The following ADGRL2 variants were observed in gnomAD, a reference collection of about 807,000 sequenced individuals.
The protein encoded by ADGRL2 is calcium-independent alpha-latrotoxin receptor 2.
In ADGRL2, 44 loss-of-function variants were observed where a neutral mutation model predicts 157.4. The observed-to-expected ratio is 0.28, with a 90% CI of 0.22 to 0.36. The LOEUF (loss-of-function observed/expected upper bound fraction) is 0.36. ADGRL2 is among the 10% of genes least tolerant of loss of function. The probability of loss-of-function intolerance (pLI) is 1.00; values close to 1 mark genes in which losing one functional copy is unlikely to be tolerated. For missense variants in ADGRL2, 1,510 were observed against 1,768.9 expected, an observed-to-expected ratio of 0.85 and a Z score of 2.63; for synonymous variants, 585 against 624.7, an observed-to-expected ratio of 0.94 and a Z score of 0.95.
At chr1:81,789,150 T>C (rs985069330) in intron 2 of ADGRL2, among the ~76,000 whole-genome samples, 2 of 152,180 alleles carry the variant, frequency 1.3e-5, no homozygotes, top group African/African-American at 2.4e-5. Flanking sequence ...GGGCTAGATT[T>C]TATACAGGCC....
rs991851798 is a variant in ADGRL2 at position 81,692,309 on chromosome 1, T to A, written c.-142-69502T>A. 7.9e-5 allele frequency among the ~76,000 whole-genome samples: 12 copies of A among 151,862 alleles called. No homozygotes were observed. The East Asian group carries it at 9.7e-4, about 12-fold the overall frequency. ...GAGTGAGAGACTCTGTCTCAAAAAATAAATAAATAAATAAATCAAATCAAA... is the reference window on the plus strand; with the variant it reads ...GAGTGAGAGACTCTGTCTCAAAAAAAAAATAAATAAATAAATCAAATCAAA... On this transcript the variant is annotated intron_variant, in intron 3 of 24. Transcript: ENST00000370721.
chr1:81,741,428 C>T (rs1372031358), intron 1 of ADGRL2, among the ~76,000 whole-genome samples: 2 of 151,940 alleles, frequency 1.3e-5, no homozygotes, highest in East Asian at 1.9e-4. Context: ...TTGAGATCAA[C>T]TTTAACATAG....
At chr1:81,486,026 T>G (rs941172414) in intron 2 of ADGRL2, among the ~76,000 whole-genome samples, 4 of 152,242 alleles carry the variant, frequency 2.6e-5, no homozygotes, top group African/African-American at 9.6e-5. Flanking sequence ...GACAAGCCAC[T>G]GTGCTAATAT....
chr1:81,722,527 A>C (rs762570371), intron 1 of ADGRL2: 52 of 1,555,508 alleles, frequency 3.3e-5, no homozygotes, highest in Non-Finnish European at 4.4e-5. Flanking sequence ...CCATGAAATA[A>C]ATCCTGATTC....
intron 2 of ADGRL2, among the ~76,000 whole-genome samples, chr1:81,780,173 A>G (rs2086755529): frequency 6.6e-6 from 1 of 152,198 alleles, no homozygotes; most frequent in Non-Finnish European, 1.5e-5. Flanking sequence ...ACTTCTAACC[A>G]GCAAGGACTA....
chr1:81,427,361 C>T (rs1570938307), intron 1 of ADGRL2: 1 of 731,422 alleles, frequency 1.4e-6, no homozygotes, highest in East Asian at 2.4e-5. Context: ...TGGTGGCGGA[C>T]CAGGATATGG....
intron 3 of ADGRL2, among the ~76,000 whole-genome samples, chr1:81,630,801 C>T (rs892436244): frequency 6.6e-6 from 1 of 152,102 alleles, no homozygotes; most frequent in Non-Finnish European, 1.5e-5. Context: ...AAAACCCTGT[C>T]AACTATGCTA....
chr1:81,741,060 G>A (rs936408360), intron 1 of ADGRL2, among the ~76,000 whole-genome samples: 12 of 151,672 alleles, frequency 7.9e-5, no homozygotes, highest in African/African-American at 2.7e-4. Context: ...TCTTATGTCC[G>A]TTTTGTGTAT....
At chr1:81,660,523 AC>A (rs1191326035) in intron 3 of ADGRL2, among the ~76,000 whole-genome samples, 1 of 152,204 alleles carries the variant, frequency 6.6e-6, no homozygotes, top group Non-Finnish European at 1.5e-5. Flanking sequence ...GCACAGAGCC[AC>A]ATCCACATTC....
intron 3 of ADGRL2, among the ~76,000 whole-genome samples, chr1:81,917,441 G>T (rs1431035452): frequency 1.3e-5 from 2 of 150,800 alleles, no homozygotes; most frequent in Non-Finnish European, 3.0e-5. Flanking sequence ...TTTTTTTAGT[G>T]CTGTTTATTA....
intron 3 of ADGRL2, among the ~76,000 whole-genome samples, chr1:81,921,987 G>T (rs1453554255): frequency 6.6e-6 from 1 of 152,144 alleles, no homozygotes; most frequent in East Asian, 1.9e-4. Context: ...TGTTTATGGA[G>T]TTAATATATT....
chr1:81,320,372 T>A (rs1557593574), intron 1 of ADGRL2, among the ~76,000 whole-genome samples: 1 of 152,240 alleles, frequency 6.6e-6, no homozygotes, highest in Non-Finnish European at 1.5e-5. Flanking sequence ...CTGTGAATCA[T>A]GAATGTCTTA....
chr1:81,919,993 T>C (rs1361299670), intron 3 of ADGRL2, among the ~76,000 whole-genome samples: 1 of 152,186 alleles, frequency 6.6e-6, no homozygotes, highest in Non-Finnish European at 1.5e-5. Context: ...TAAATATTCA[T>C]CAAAGAGAAG....
chr1:81,374,335 GC>G (rs1344891708), intron 1 of ADGRL2, among the ~76,000 whole-genome samples: 1 of 152,080 alleles, frequency 6.6e-6, no homozygotes, highest in Non-Finnish European at 1.5e-5. Context: ...ACTTTGGGAG[GC>G]CGAGGCGGGT....
intron 3 of ADGRL2, among the ~76,000 whole-genome samples, chr1:81,675,245 C>A (rs2082961823): frequency 6.6e-6 from 1 of 152,220 alleles, no homozygotes; most frequent in Non-Finnish European, 1.5e-5. Context: ...AAAGAAGAGA[C>A]TTCTGCTCAG....
intron 2 of ADGRL2, among the ~76,000 whole-genome samples, chr1:81,904,361 G>A (rs1305312699): frequency 6.6e-6 from 1 of 152,174 alleles, no homozygotes; most frequent in African/African-American, 2.4e-5. Context: ...AAAATACATT[G>A]TAGGATTAAA....
intron 2 of ADGRL2, among the ~76,000 whole-genome samples, chr1:81,893,088 C>A (rs1174450600): frequency 3.3e-5 from 5 of 152,126 alleles, no homozygotes; most frequent in South Asian, 2.1e-4. Context: ...TGGGTTCTTT[C>A]ATGTGTTCAT....
chr1:81,407,014 A>C (rs954085157), intron 1 of ADGRL2, among the ~76,000 whole-genome samples: 3 of 152,110 alleles, frequency 2.0e-5, no homozygotes, highest in African/African-American at 7.2e-5. Flanking sequence ...ATTTGGGTTG[A>C]GCTCCTTATT....
rs567515516 is a variant in ADGRL2 at position 81,329,048 on chromosome 1, C to T, written c.-302+22539C>T. 3.3e-5 allele frequency among the ~76,000 whole-genome samples: 5 copies of T among 151,492 alleles called. No homozygotes were observed. The East Asian group carries it at 9.7e-4, about 29-fold the overall frequency. On this transcript the variant is annotated intron_variant, in intron 1 of 24. Transcript: ENST00000370721. ...CCCAATTAACAGTAGTAACTTAATT[C>T]AATTAGTGGATTCTTCCCTGATGCA... is the stretch of plus-strand genomic sequence containing the variant.
Sources: allele counts gnomAD v4.1 joint callset (sites outside exome capture counted in the v4.1 genomes callset), GRCh38; gene constraint gnomAD v4.1.1; transcripts MANE v1.5; gene names NCBI Gene and HGNC (gene_info 2026-07-23, HGNC 2026-07-21).